Variants in RGS20 observed in about 807,000 individuals in gnomAD.
RGS20 encodes the protein regulator of G protein signaling 20, also known as gz-selective GTPase-activating protein.
RGS20 carries 30 observed loss-of-function variants against 33.6 expected under a neutral mutation model. The observed-to-expected ratio is 0.89, with a 90% confidence interval of 0.67 to 1.21. The LOEUF (loss-of-function observed/expected upper bound fraction) is 1.21, where lower values mean the gene tolerates loss of function less well. RGS20 is among the 50% of genes most tolerant of loss of function. The pLI, the probability that RGS20 is intolerant of heterozygous loss-of-function variation, is 0.00. For missense variants in RGS20, 472 were observed against 502.4 expected (o/e 0.94, Z 0.58); for synonymous variants, 208 against 197.9 (o/e 1.05, Z -0.43).
chr8:53,879,120 G>A, intron 1 of RGS20: 5 of 698,406 alleles, frequency 7.2e-6, no homozygotes, highest in Non-Finnish European at 1.0e-5. Context: ...CTAACTATAG[G>A]CCTTTCCTTC....
chr8:53,863,616 C>T (rs891365031), intron 1 of RGS20, among the ~76,000 whole-genome samples: 46 of 152,180 alleles, frequency 3.0e-4, no homozygotes, highest in African/African-American at 1.1e-3. Context: ...CACAGGTACA[C>T]CCTGCCACCA....
At chr8:53,929,067 C>G (rs926027682) in intron 2 of RGS20, among the ~76,000 whole-genome samples, 1 of 152,072 alleles carries the variant, frequency 6.6e-6, no homozygotes, top group Non-Finnish European at 1.5e-5. Flanking sequence ...TGTATGGTTC[C>G]CTTTATATAA....
intron 2 of RGS20, among the ~76,000 whole-genome samples, chr8:53,883,212 A>C (rs894738978): frequency 1.3e-5 from 2 of 150,664 alleles, no homozygotes; most frequent in African/African-American, 4.9e-5. Context: ...GCTGGAGTGC[A>C]ATGGCGCGAT....
chr8:53,892,965 AC>A (rs1256692376), intron 2 of RGS20, among the ~76,000 whole-genome samples: 1 of 152,086 alleles, frequency 6.6e-6, no homozygotes, highest in African/African-American at 2.4e-5. Flanking sequence ...TCACTTGTAG[AC>A]CCCCAAAAAA....
chr8:53,957,584 C>G (rs888202567), intron 5 of RGS20, among the ~76,000 whole-genome samples: 1 of 152,236 alleles, frequency 6.6e-6, no homozygotes, highest in African/African-American at 2.4e-5. Context: ...CCCCACGTTA[C>G]AAGGAAATGA....
intron 2 of RGS20, among the ~76,000 whole-genome samples, chr8:53,904,710 C>G (rs1295582804): frequency 3.3e-5 from 5 of 152,138 alleles, no homozygotes; most frequent in Non-Finnish European, 7.4e-5. Flanking sequence ...GGAATGCACC[C>G]CAGCTGCAAT....
At chr8:53,883,445 T>C (rs1185267685) in intron 2 of RGS20, among the ~76,000 whole-genome samples, 2 of 151,958 alleles carry the variant, frequency 1.3e-5, no homozygotes, top group Non-Finnish European at 2.9e-5. Context: ...ATTACAGGAG[T>C]GAGCCACTGC....
chr8:53,957,595 G>A (rs1464490667), intron 5 of RGS20, among the ~76,000 whole-genome samples: 2 of 152,226 alleles, frequency 1.3e-5, no homozygotes, highest in African/African-American at 4.8e-5. Flanking sequence ...AAGGAAATGA[G>A]CAAGGGGCAG....
intron 2 of RGS20, chr8:53,887,164 G>A (rs545013931): frequency 6.2e-6 from 1 of 160,862 alleles, no homozygotes; most frequent in Admixed American, 6.3e-5. Context: ...CCACCTTATA[G>A]TATTTCAGGA....
intron 2 of RGS20, among the ~76,000 whole-genome samples, chr8:53,885,087 CAGA>C (rs373461284): frequency 1.3e-4 from 20 of 152,320 alleles, no homozygotes; most frequent in Admixed American, 6.5e-4. Context: ...CAAAATTACA[CAGA>C]AGGAGATTTT....
intron 1 of RGS20, among the ~76,000 whole-genome samples, chr8:53,869,641 A>G (rs1812011280): frequency 6.6e-6 from 1 of 152,100 alleles, no homozygotes; most frequent in African/African-American, 2.4e-5. Flanking sequence ...ACGCCACTAC[A>G]CTCCAGCCTA....
intron 2 of RGS20, among the ~76,000 whole-genome samples, chr8:53,888,692 C>A (rs374375903): frequency 6.6e-6 from 1 of 152,318 alleles, no homozygotes; most frequent in South Asian, 2.1e-4. Flanking sequence ...TTCAGCCCCC[C>A]GTGCTCTCCC....
chr8:53,881,597 G>A (rs1812386656), intron 2 of RGS20, among the ~76,000 whole-genome samples: 1 of 152,084 alleles, frequency 6.6e-6, no homozygotes, highest in Non-Finnish European at 1.5e-5. Flanking sequence ...CTCCTTTTAG[G>A]AGAAGTGCAA....
chr8:53,929,825 A>G (rs1585931482), intron 2 of RGS20, among the ~76,000 whole-genome samples: 1 of 152,234 alleles, frequency 6.6e-6, no homozygotes, highest in Non-Finnish European at 1.5e-5. Flanking sequence ...GTGTATAAAC[A>G]AATCAAATAT....
intron 2 of RGS20, among the ~76,000 whole-genome samples, chr8:53,934,182 A>C (rs1341152094): frequency 6.6e-6 from 1 of 152,228 alleles, no homozygotes; most frequent in Non-Finnish European, 1.5e-5. Context: ...CATCAACACT[A>C]TGAAGAAACT....
Position 53,897,672 on chromosome 8 carries a change from A to G in RGS20, c.510+18070A>G, listed in dbSNP as rs552589718. 1.1e-4 allele frequency among the ~76,000 whole-genome samples: 16 copies of G among 152,286 alleles called. No individual in the cohort carries two copies. The South Asian group carries it at 3.3e-3, about 32-fold the overall frequency. On this transcript the variant is annotated intron_variant, in intron 2 of 5. Coordinates refer to ENST00000297313, the MANE Select transcript of RGS20 (RefSeq NM_170587.4). ...CATCCATCTTCTTTTTCATACGCCAACTTGAAGAAATTGGACCTGCTGCCC... is the reference window on the plus strand; with the variant it reads ...CATCCATCTTCTTTTTCATACGCCAGCTTGAAGAAATTGGACCTGCTGCCC...
intron 1 of RGS20, among the ~76,000 whole-genome samples, chr8:53,853,524 A>G (rs1305232511): frequency 6.6e-6 from 1 of 152,204 alleles, no homozygotes; most frequent in Admixed American, 6.5e-5. Context: ...TTGGGATGCT[A>G]CTGGCTCCTT....
chr8:53,931,552 AAACAACAACAACAACAAC>A (rs147351535), intron 2 of RGS20, among the ~76,000 whole-genome samples: 30 of 150,700 alleles, frequency 2.0e-4, no homozygotes, highest in African/African-American at 6.8e-4. Flanking sequence ...CAAAACTCCA[AAACAACAACAACAACAAC>A]AACAACAACA....
At chr8:53,907,236 T>C (rs1412645414) in intron 2 of RGS20, among the ~76,000 whole-genome samples, 1 of 152,110 alleles carries the variant, frequency 6.6e-6, no homozygotes, top group African/African-American at 2.4e-5. Flanking sequence ...CCACATTTTT[T>C]TTCTGAAGCA....
Sources: gnomAD v4.1 joint callset for allele counts (sites outside exome capture counted in the v4.1 genomes callset) on GRCh38, gnomAD v4.1.1 for gene constraint, MANE v1.5 for transcripts, NCBI Gene and HGNC (gene_info 2026-07-23, HGNC 2026-07-21) for gene names.